ESRRG: variants seen among roughly 807,000 people sequenced by gnomAD.
ESRRG encodes the protein estrogen-related receptor gamma.
ESRRG carries 13 observed loss-of-function variants against 44.0 expected under a neutral mutation model. The observed-to-expected ratio is 0.30, with a 90% confidence interval of 0.19 to 0.47. ESRRG has a LOEUF of 0.47. Ranked by LOEUF, ESRRG falls within the 20% of genes least tolerant of loss-of-function variation. ESRRG has a pLI of 1.00. For missense variants in ESRRG, 395 were observed against 580.6 expected (o/e 0.68, Z 3.29); for synonymous variants, 215 against 214.6 (o/e 1.00, Z -0.02).
At chr1:217,022,699 A>G (rs2080533621) in intron 1 of ESRRG, among the ~76,000 whole-genome samples, 5 of 152,136 alleles carry the variant, frequency 3.3e-5, no homozygotes, top group Admixed American at 3.3e-4. Flanking sequence ...GACCGAGTAA[A>G]ATGGCCCTTC....
At chr1:216,743,514 A>G (rs2091008340) in intron 2 of ESRRG, among the ~76,000 whole-genome samples, 1 of 152,192 alleles carries the variant, frequency 6.6e-6, no homozygotes, top group South Asian at 2.1e-4. Flanking sequence ...TTTTCTGAAA[A>G]CTAATAGCAT....
intron 1 of ESRRG, among the ~76,000 whole-genome samples, chr1:217,081,059 T>C (rs2091723230): frequency 6.6e-6 from 1 of 152,044 alleles, no homozygotes; most frequent in Non-Finnish European, 1.5e-5. Context: ...TATCCAGCAA[T>C]CTTGGGTAGA....
intron 3 of ESRRG, among the ~76,000 whole-genome samples, chr1:216,628,297 C>T (rs1372516126): frequency 6.6e-6 from 1 of 152,174 alleles, no homozygotes; most frequent in Non-Finnish European, 1.5e-5. Flanking sequence ...CTCTATTACC[C>T]AGGCTGGAGT....
chr1:216,914,020 T>C (rs904681511), intron 2 of ESRRG, among the ~76,000 whole-genome samples: 1 of 152,200 alleles, frequency 6.6e-6, no homozygotes, highest in Non-Finnish European at 1.5e-5. Flanking sequence ...ACATGGAAAG[T>C]ACCGGAAAAG....
At chr1:216,602,949 T>G in intron 3 of ESRRG, among the ~76,000 whole-genome samples, 1 of 152,150 alleles carries the variant, frequency 6.6e-6, no homozygotes, top group Non-Finnish European at 1.5e-5. Flanking sequence ...TTAAACTACA[T>G]CTATATAGCC....
At chr1:216,754,618 C>G (rs528487575) in intron 2 of ESRRG, among the ~76,000 whole-genome samples, 1 of 150,522 alleles carries the variant, frequency 6.6e-6, no homozygotes, top group East Asian at 2.0e-4. Context: ...CCGCCGGGCT[C>G]TATTTATATA....
intron 4 of ESRRG, among the ~76,000 whole-genome samples, chr1:216,566,412 G>T (rs1024557598): frequency 9.2e-5 from 14 of 152,170 alleles, no homozygotes; most frequent in Non-Finnish European, 1.5e-5. Context: ...GACAAATGGA[G>T]CTCACTGAAA....
chr1:216,962,221 A>G (rs1176434338), intron 1 of ESRRG, among the ~76,000 whole-genome samples: 1 of 152,212 alleles, frequency 6.6e-6, no homozygotes, highest in Non-Finnish European at 1.5e-5. Context: ...CTCCCTTACT[A>G]CAGATGGCTG....
intron 2 of ESRRG, among the ~76,000 whole-genome samples, chr1:216,907,438 C>T (rs969164056): frequency 3.9e-5 from 6 of 152,136 alleles, no homozygotes; most frequent in South Asian, 2.1e-4. Flanking sequence ...TGTGATCAAA[C>T]GTCTGGAACT....
At chr1:216,824,272 C>A (rs2148656114) in intron 2 of ESRRG, among the ~76,000 whole-genome samples, 1 of 152,096 alleles carries the variant, frequency 6.6e-6, no homozygotes, top group Non-Finnish European at 1.5e-5. Flanking sequence ...CATGGTGAAA[C>A]CCCATCTCTA....
intron 1 of ESRRG, among the ~76,000 whole-genome samples, chr1:216,999,352 C>A (rs980872912): frequency 1.3e-5 from 2 of 152,118 alleles, no homozygotes; most frequent in African/African-American, 4.8e-5. Flanking sequence ...ATCAAAAGAG[C>A]CACTCTTTAT....
At chr1:216,568,648 C>G (rs1235250399) in intron 3 of ESRRG, among the ~76,000 whole-genome samples, 1 of 152,166 alleles carries the variant, frequency 6.6e-6, no homozygotes, top group Non-Finnish European at 1.5e-5. Context: ...TGTTCTCTAT[C>G]AAAATGTCAA....
intron 3 of ESRRG, among the ~76,000 whole-genome samples, chr1:216,649,909 T>C (rs1178247187): frequency 6.6e-6 from 1 of 152,124 alleles, no homozygotes. Flanking sequence ...TCACTCTTGG[T>C]GAATTAATAT....
intron 2 of ESRRG, among the ~76,000 whole-genome samples, chr1:216,674,615 CTTTT>C (rs5780904): frequency 3.1e-5 from 4 of 127,932 alleles, no homozygotes; most frequent in Admixed American, 8.3e-5. Context: ...TTTGGGTAAA[CTTTT>C]TTTTTTTTTT....
intron 5 of ESRRG, among the ~76,000 whole-genome samples, chr1:216,522,141 G>A (rs1307995777): frequency 1.3e-5 from 2 of 151,334 alleles, no homozygotes; most frequent in Non-Finnish European, 2.9e-5. Flanking sequence ...TGATGGTTGT[G>A]TGTGTGTATA....
chr1:216,863,330 G>C (rs1379339656), intron 2 of ESRRG: 5 of 152,076 alleles, frequency 3.3e-5, no homozygotes, highest in Non-Finnish European at 7.4e-5. Context: ...TTTTTGAAAA[G>C]CTTTATTTTT....
intron 3 of ESRRG, among the ~76,000 whole-genome samples, chr1:216,628,927 C>A (rs1488965468): frequency 2.6e-5 from 4 of 152,196 alleles, no homozygotes; most frequent in African/African-American, 4.8e-5. Context: ...CTCGAAGGAG[C>A]AAAACTCTCT....
At chr1:216,563,992 C>T (rs557703502) in intron 5 of ESRRG, among the ~76,000 whole-genome samples, 15 of 152,058 alleles carry the variant, frequency 9.9e-5, no homozygotes, top group Middle Eastern at 3.4e-3. Flanking sequence ...GGCAGTAGTA[C>T]CTGTACATAT....
chr1:216,557,192 C>G (rs1443003497), intron 5 of ESRRG, among the ~76,000 whole-genome samples: 2 of 152,138 alleles, frequency 1.3e-5, no homozygotes, highest in Non-Finnish European at 2.9e-5. Context: ...GTCCAAACAT[C>G]TTGATTTTTA....
Sources: allele counts gnomAD v4.1 joint callset (sites outside exome capture counted in the v4.1 genomes callset), GRCh38; gene constraint gnomAD v4.1.1; transcripts MANE v1.5; gene names NCBI Gene and HGNC (gene_info 2026-07-23, HGNC 2026-07-21).